The following NBEA variants were observed in gnomAD, a reference collection of about 807,000 sequenced individuals.
NBEA encodes lysosomal-trafficking regulator 2.
In NBEA, 44 loss-of-function variants were observed where a neutral mutation model predicts 343.4. That is an observed-to-expected ratio of 0.13 (90% CI 0.10 to 0.16). The LOEUF (loss-of-function observed/expected upper bound fraction) is 0.16, where lower values mean the gene tolerates loss of function less well. Ranked by LOEUF, NBEA falls within the 10% of genes least tolerant of loss-of-function variation. NBEA has a pLI of 1.00. For synonymous variants in NBEA, 1,175 were observed against 1,238.7 expected (o/e 0.95, Z 1.08); for missense variants, 2,555 against 3,631.3 (o/e 0.70, Z 7.62).
intron 38 of NBEA, among the ~76,000 whole-genome samples, chr13:35,415,302 C>T (rs1472957277): frequency 6.6e-6 from 1 of 152,002 alleles, no homozygotes; most frequent in African/African-American, 2.4e-5. Context: ...TCATGAAGTC[C>T]TTGCCCATGC....
At chr13:35,058,689 C>T (rs1472696990) in intron 7 of NBEA, 28 bp from the exon 8 acceptor site, 12 of 1,530,934 alleles carry the variant, frequency 7.8e-6, no homozygotes, top group Non-Finnish European at 1.1e-5. Context: ...AAAAATAATG[C>T]ATTTTTCTTT....
At chr13:34,992,238 G>GTATATATATATATATA (rs60959090) in intron 1 of NBEA, among the ~76,000 whole-genome samples, 1 of 122,146 alleles carries the variant, frequency 8.2e-6, no homozygotes, top group Non-Finnish European at 1.7e-5. Context: ...GTGTGTGTGT[G>GTATATATATATATATA]TATATATATA....
intron 33 of NBEA, among the ~76,000 whole-genome samples, chr13:35,222,884 T>C (rs534618399): frequency 2.0e-5 from 3 of 152,168 alleles, no homozygotes; most frequent in Non-Finnish European, 4.4e-5. Flanking sequence ...ATTCCAGCAC[T>C]TGGGGAGGCT....
At chr13:35,093,329 A>C (rs1051707918) in intron 10 of NBEA, among the ~76,000 whole-genome samples, 1 of 146,212 alleles carries the variant, frequency 6.8e-6, no homozygotes, top group Non-Finnish European at 1.5e-5. Context: ...AAAAAAAAAA[A>C]GAGAAATTTC....
At chr13:35,496,662 A>G (rs998473301) in intron 41 of NBEA, among the ~76,000 whole-genome samples, 1 of 151,744 alleles carries the variant, frequency 6.6e-6, no homozygotes, top group East Asian at 1.9e-4. Context: ...AATAGAAAAG[A>G]AAAGAAAAAG....
At chr13:35,144,806 T>A (rs1344577418) in intron 18 of NBEA, among the ~76,000 whole-genome samples, 3 of 152,178 alleles carry the variant, frequency 2.0e-5, no homozygotes, top group Admixed American at 1.3e-4. Context: ...AAAGCAGGGA[T>A]TGGAATCATT....
At chr13:35,457,768 C>G (rs936673657) in intron 40 of NBEA, among the ~76,000 whole-genome samples, 1 of 152,142 alleles carries the variant, frequency 6.6e-6, no homozygotes, top group Non-Finnish European at 1.5e-5. Context: ...GCCACCACGC[C>G]CAGCTAATTT....
intron 44 of NBEA, among the ~76,000 whole-genome samples, chr13:35,557,604 G>A (rs539590377): frequency 8.5e-5 from 13 of 152,050 alleles, no homozygotes; most frequent in Non-Finnish European, 1.8e-4. Flanking sequence ...AAAAATTACT[G>A]GGTACTTCCT....
chr13:35,571,359 GGGAGAAA>G (rs1221159249), intron 45 of NBEA, among the ~76,000 whole-genome samples: 1 of 152,132 alleles, frequency 6.6e-6, no homozygotes, highest in African/African-American at 2.4e-5. Context: ...AGTGGGAATT[GGGAGAAA>G]AAGTCAAGAG....
At chr13:35,234,066 A>G (rs1236938440) in intron 34 of NBEA, among the ~76,000 whole-genome samples, 1 of 152,188 alleles carries the variant, frequency 6.6e-6, no homozygotes, top group Non-Finnish European at 1.5e-5. Flanking sequence ...TGTTCTTGGT[A>G]TGATCTACCA....
chr13:35,343,915 A>T (rs2039729318), intron 36 of NBEA, among the ~76,000 whole-genome samples: 2 of 152,106 alleles, frequency 1.3e-5, no homozygotes, highest in South Asian at 4.1e-4. Context: ...TACACAATAA[A>T]TGTACTTGAA....
chr13:35,635,790 G>A (rs1265644884), intron 49 of NBEA, among the ~76,000 whole-genome samples: 1 of 152,194 alleles, frequency 6.6e-6, no homozygotes, highest in Non-Finnish European at 1.5e-5. Context: ...TTTGATTAGT[G>A]AATAAATCTT....
chr13:35,536,914 T>A (rs1300611947), intron 41 of NBEA, among the ~76,000 whole-genome samples: 1 of 152,190 alleles, frequency 6.6e-6, no homozygotes, highest in Admixed American at 6.5e-5. Context: ...TGTGGAAACT[T>A]TTCTAAATCC....
intron 1 of NBEA, among the ~76,000 whole-genome samples, chr13:34,947,342 A>G (rs2059215965): frequency 6.6e-6 from 1 of 152,130 alleles, no homozygotes; most frequent in African/African-American, 2.4e-5. Flanking sequence ...TTTTTGGTAA[A>G]TACTATGCTG....
chr13:35,312,639 T>C (rs1024501278), intron 36 of NBEA, among the ~76,000 whole-genome samples: 10 of 152,258 alleles, frequency 6.6e-5, no homozygotes, highest in African/African-American at 2.4e-4. Flanking sequence ...TCAGTAATCT[T>C]GTTGAAGAAT....
intron 41 of NBEA, among the ~76,000 whole-genome samples, chr13:35,519,391 G>T (rs752216864): frequency 8.6e-5 from 13 of 152,032 alleles, no homozygotes; most frequent in Non-Finnish European, 1.6e-4. Context: ...AACTTTTAAA[G>T]GTGGGATCAT....
At chr13:35,576,816 C>A (rs1037263379) in intron 45 of NBEA, among the ~76,000 whole-genome samples, 3 of 152,122 alleles carry the variant, frequency 2.0e-5, no homozygotes, top group African/African-American at 7.2e-5. Flanking sequence ...ATCATGTTTT[C>A]CAATACTGAG....
At chr13:35,542,886 T>G (rs2078899186) in intron 41 of NBEA, among the ~76,000 whole-genome samples, 1 of 152,072 alleles carries the variant, frequency 6.6e-6, no homozygotes, top group Non-Finnish European at 1.5e-5. Context: ...ATGAACATTT[T>G]ATATAATTTC....
intron 8 of NBEA, among the ~76,000 whole-genome samples, chr13:35,064,595 T>C (rs562212856): frequency 7.0e-4 from 107 of 152,188 alleles, no homozygotes; most frequent in Non-Finnish European, 1.2e-3. Context: ...AGGTGAATTA[T>C]GTTCCCCTAA....
Sources: gnomAD v4.1 joint callset for allele counts (sites outside exome capture counted in the v4.1 genomes callset) on GRCh38, gnomAD v4.1.1 for gene constraint, MANE v1.5 for transcripts, NCBI Gene and HGNC (gene_info 2026-07-23, HGNC 2026-07-21) for gene names.